Variants in SYN2 observed in about 807,000 individuals in gnomAD.
SYN2 encodes synapsin II.
Under a neutral mutation model 50.9 loss-of-function variants are expected in SYN2, and 19 were observed. The observed-to-expected ratio is 0.37, with a 90% CI of 0.26 to 0.55. SYN2 has a LOEUF of 0.55. Among genes scored for constraint, SYN2 ranks in the 20% least tolerant of loss-of-function variants. SYN2 has a pLI of 0.81. For synonymous variants in SYN2, 255 were observed against 224.9 expected (o/e 1.13, Z -1.20); for missense variants, 587 against 576.4 (o/e 1.02, Z -0.19).
chr3:12,186,091 T>C (rs60564283), intron 11 of SYN2, among the ~76,000 whole-genome samples: 12,279 of 152,220 alleles, frequency 0.081, 882 homozygotes, highest in East Asian at 0.19. Flanking sequence ...CACAGTGGCA[T>C]AGACATACAG....
At chr3:12,153,251 A>G in intron 5 of SYN2, 1 of 541,700 alleles carries the variant, frequency 1.8e-6, no homozygotes, top group Non-Finnish European at 3.3e-6. Context: ...CTGGCTTTAG[A>G]AAACAGACTA....
chr3:12,161,711 C>A (rs1697653855), intron 6 of SYN2, 103 bp downstream of exon 6: 6 of 1,358,484 alleles, frequency 4.4e-6, no homozygotes, highest in Middle Eastern at 2.2e-4. Context: ...CTGATGAATT[C>A]TTTCCAAAGA....
intron 1 of SYN2, among the ~76,000 whole-genome samples, chr3:12,042,909 G>A (rs1444175486): frequency 6.6e-6 from 1 of 152,116 alleles, no homozygotes; most frequent in Admixed American, 6.5e-5. Context: ...GATTGGATGG[G>A]CCCTACAGCC....
At chr3:12,130,283 C>A (rs1696766938) in intron 1 of SYN2, among the ~76,000 whole-genome samples, 1 of 151,774 alleles carries the variant, frequency 6.6e-6, no homozygotes, top group South Asian at 2.1e-4. Context: ...AATTGGCTTT[C>A]ACAGTTATGA....
At chr3:12,142,230 G>T (rs1332582840) in intron 3 of SYN2, among the ~76,000 whole-genome samples, 1 of 152,208 alleles carries the variant, frequency 6.6e-6, no homozygotes, top group Non-Finnish European at 1.5e-5. Context: ...CAGACTGAGA[G>T]CTCACTTAGA....
chr3:12,049,792 G>T (rs1407208963), intron 1 of SYN2, among the ~76,000 whole-genome samples: 1 of 152,138 alleles, frequency 6.6e-6, no homozygotes, highest in Non-Finnish European at 1.5e-5. Flanking sequence ...CTGCCTGGGT[G>T]GTTGACAGAT....
chr3:12,109,790 G>A (rs1042281715), intron 1 of SYN2, among the ~76,000 whole-genome samples: 2 of 152,144 alleles, frequency 1.3e-5, no homozygotes, highest in Admixed American at 6.5e-5. Flanking sequence ...ATAAAGACTC[G>A]GACTTGGGAG....
chr3:12,070,311 C>A, intron 1 of SYN2: 1 of 501,704 alleles, frequency 2.0e-6, no homozygotes. Context: ...CCCCCTGAGC[C>A]GTGTTCCCCT....
rs779857524 is a variant in SYN2, at chr3:12,169,885, C to G, written c.1287C>G (p.Pro429=). The G allele has an allele frequency of 6.2e-7, 1 of 1,610,730 alleles. No homozygotes were observed. Among genetic ancestry groups the G allele is most frequent in the Non-Finnish European group, 8.5e-7 (1 of 1,178,612 alleles). Residue 429 remains proline (P), a synonymous_variant, in exon 10 of 13, where the codon CCC becomes CCG. Coordinates refer to ENST00000621198, the MANE Select transcript of SYN2 (RefSeq NM_133625.6). Reference sequence around the variant, plus strand: ...CTCCTGCCCTGTCTCCTCAGAGACCCCTAACAACCCAGCAGCCACAGGTAA... The same window carrying G: ...CTCCTGCCCTGTCTCCTCAGAGACCGCTAACAACCCAGCAGCCACAGGTAA... The part of the protein sequence containing the change: ...SRTPALSPQR[P]LTTQQPQSGT...
chr3:12,013,868 T>C (rs1693966987), intron 1 of SYN2, among the ~76,000 whole-genome samples: 2 of 152,242 alleles, frequency 1.3e-5, no homozygotes, highest in African/African-American at 4.8e-5. Flanking sequence ...GACTTCCTTT[T>C]CCAGCAATAC....
intron 1 of SYN2, among the ~76,000 whole-genome samples, chr3:12,124,760 G>A (rs1172493246): frequency 6.6e-6 from 1 of 152,102 alleles, no homozygotes; most frequent in Non-Finnish European, 1.5e-5. Context: ...TCAGTCTACG[G>A]ATATATACAC....
chr3:12,122,492 A>G (rs1696582677), intron 1 of SYN2, among the ~76,000 whole-genome samples: 1 of 152,172 alleles, frequency 6.6e-6, no homozygotes, highest in Non-Finnish European at 1.5e-5. Flanking sequence ...GGAGATGATA[A>G]TTTGAGTCTT....
chr3:12,039,847 A>G (rs1694575475), intron 1 of SYN2, among the ~76,000 whole-genome samples: 1 of 152,178 alleles, frequency 6.6e-6, no homozygotes, highest in African/African-American at 2.4e-5. Context: ...AGATAAGATC[A>G]GGTCTTAATT....
intron 1 of SYN2, among the ~76,000 whole-genome samples, chr3:12,072,308 A>G (rs1220666532): frequency 2.6e-5 from 4 of 152,164 alleles, no homozygotes; most frequent in African/African-American, 9.7e-5. Context: ...TATTGATAGT[A>G]TCTTTTGAAA....
intron 11 of SYN2, chr3:12,185,055 G>A (rs1432155828): frequency 2.0e-6 from 2 of 985,660 alleles, no homozygotes; most frequent in Non-Finnish European, 2.4e-6. Context: ...TAAATTCTGA[G>A]GCCACAGAGA....
chr3:12,136,537 G>T (rs1274144767), intron 1 of SYN2, among the ~76,000 whole-genome samples: 3 of 152,102 alleles, frequency 2.0e-5, no homozygotes, highest in Non-Finnish European at 4.4e-5. Context: ...CATAAAAGAG[G>T]GCGTATTTAA....
rs1406959319 is a variant in SYN2, at chr3:12,190,623, T to G, written c.1747T>G (p.Ter583GluextTer45). Residue 583 changes from the stop codon to glutamate (E), a stop_lost, in exon 13 of 13, where the codon TAG becomes GAG. Coordinates refer to ENST00000621198, the MANE Select transcript of SYN2 (RefSeq NM_133625.6). ...RKSFASLFSD[*>E] is the part of the protein sequence containing the mutation. ...GTCCTTTGCCAGCCTCTTTTCAGAT[T>G]AGCTCTTCAGACACACGGGGCACCC... 3 of 1,612,452 alleles carry G rather than the reference T, an allele frequency of 1.9e-6. No homozygotes were observed. Among genetic ancestry groups the G allele is most frequent in the Middle Eastern group, 1.6e-4 (1 of 6,076 alleles).
At chr3:12,049,518 C>CA (rs111568530) in intron 1 of SYN2, among the ~76,000 whole-genome samples, 54 of 21,274 alleles carry the variant, frequency 2.5e-3, no homozygotes, top group East Asian at 5.8e-3. Flanking sequence ...GACTCCGTCT[C>CA]AAAAAAAAAA....
At chr3:12,071,286 C>A in intron 1 of SYN2, 1 of 561,178 alleles carries the variant, frequency 1.8e-6, no homozygotes, top group Admixed American at 1.9e-5. Context: ...CCTCACTGTC[C>A]ATCTTCCAGC....
Sources: allele counts gnomAD v4.1 joint callset (sites outside exome capture counted in the v4.1 genomes callset), GRCh38; gene constraint gnomAD v4.1.1; transcripts MANE v1.5; gene names NCBI Gene and HGNC (gene_info 2026-07-23, HGNC 2026-07-21).